Variants in FGF14 observed in about 807,000 individuals in gnomAD.
The protein encoded by FGF14 is fibroblast growth factor 14.
A neutral mutation model predicts 25.5 loss-of-function variants in FGF14; 5 were observed. The observed-to-expected ratio is 0.20, with a 90% CI of 0.10 to 0.41. The LOEUF (loss-of-function observed/expected upper bound fraction) is 0.41. Ranked by LOEUF, FGF14 falls within the 10% of genes least tolerant of loss-of-function variation. FGF14 has a pLI of 1.00. For missense variants in FGF14, 222 were observed against 320.1 expected, an observed-to-expected ratio of 0.69 and a Z score of 2.34; for synonymous variants, 138 against 118.3, an observed-to-expected ratio of 1.17 and a Z score of -1.08.
At chr13:101,930,075 T>C (rs1245269290) in intron 1 of FGF14, among the ~76,000 whole-genome samples, 1 of 152,234 alleles carries the variant, frequency 6.6e-6, no homozygotes, top group Non-Finnish European at 1.5e-5. Flanking sequence ...TGAGAGCTTA[T>C]TCTATTTATA....
At chr13:102,001,632 C>T (rs2039500181) in intron 1 of FGF14, among the ~76,000 whole-genome samples, 1 of 152,104 alleles carries the variant, frequency 6.6e-6, no homozygotes, top group South Asian at 2.1e-4. Flanking sequence ...ATTTACATTA[C>T]ATTATATGGT....
At chr13:101,957,410 C>G (rs990224692) in intron 1 of FGF14, among the ~76,000 whole-genome samples, 16 of 152,140 alleles carry the variant, frequency 1.1e-4, no homozygotes, top group African/African-American at 3.4e-4. Context: ...TTAGGAGAAA[C>G]TGAACCAGAG....
chr13:101,947,689 G>C (rs1390045592), intron 1 of FGF14, among the ~76,000 whole-genome samples: 1 of 152,142 alleles, frequency 6.6e-6, no homozygotes, highest in Non-Finnish European at 1.5e-5. Flanking sequence ...CTACTAGAGG[G>C]GGTAGGGAGG....
intron 1 of FGF14, among the ~76,000 whole-genome samples, chr13:102,192,529 T>A (rs1016962592): frequency 2.6e-5 from 4 of 152,176 alleles, no homozygotes; most frequent in Non-Finnish European, 5.9e-5. Flanking sequence ...CTTAACAATT[T>A]CTTCTTCAAC....
At chr13:102,378,157 G>C (rs2058083947) in intron 1 of FGF14, among the ~76,000 whole-genome samples, 1 of 152,096 alleles carries the variant, frequency 6.6e-6, no homozygotes, top group South Asian at 2.1e-4. Flanking sequence ...TAAACCCATG[G>C]AGCACACAAC....
At chr13:101,948,429 C>T (rs138406827) in intron 1 of FGF14, among the ~76,000 whole-genome samples, 2,910 of 150,704 alleles carry the variant, frequency 0.019, 115 homozygotes, top group African/African-American at 0.068. Flanking sequence ...CAAACCTGCA[C>T]GTTGTGCACA....
chr13:102,313,791 C>T (rs1566930167), intron 1 of FGF14, among the ~76,000 whole-genome samples: 2 of 152,142 alleles, frequency 1.3e-5, no homozygotes, highest in Non-Finnish European at 1.5e-5. Flanking sequence ...ATCATTCAGG[C>T]ATCAACCCTC....
chr13:102,116,443 T>C (rs2045475364), intron 1 of FGF14, among the ~76,000 whole-genome samples: 1 of 152,142 alleles, frequency 6.6e-6, no homozygotes, highest in Non-Finnish European at 1.5e-5. Flanking sequence ...TTATATTTTA[T>C]AATCATATGT....
chr13:102,099,509 C>A (rs1308145100), intron 1 of FGF14, among the ~76,000 whole-genome samples: 2 of 151,960 alleles, frequency 1.3e-5, no homozygotes, highest in Non-Finnish European at 1.5e-5. Context: ...GCAGACACTG[C>A]ACAAGGAAGT....
intron 1 of FGF14, among the ~76,000 whole-genome samples, chr13:102,398,156 G>T (rs12584364): frequency 0.32 from 48,131 of 151,820 alleles, 8,607 homozygotes; most frequent in African/African-American, 0.48. Context: ...AGCATATATT[G>T]TGCAAACACA....
chr13:102,385,232 C>T (rs2058273902), intron 1 of FGF14, among the ~76,000 whole-genome samples: 1 of 152,274 alleles, frequency 6.6e-6, no homozygotes, highest in African/African-American at 2.4e-5. Flanking sequence ...TCTTCTAATA[C>T]CTGCTAGTAT....
intron 1 of FGF14, among the ~76,000 whole-genome samples, chr13:102,351,240 T>C (rs902366424): frequency 1.3e-5 from 2 of 152,116 alleles, no homozygotes; most frequent in African/African-American, 4.8e-5. Context: ...AATAAAATTA[T>C]ACCCAGTTAA....
chr13:102,070,834 T>G (rs1041869155), intron 1 of FGF14, among the ~76,000 whole-genome samples: 5 of 152,186 alleles, frequency 3.3e-5, no homozygotes, highest in Non-Finnish European at 5.9e-5. Flanking sequence ...CAAAGACCTA[T>G]TTTCATATCC....
intron 1 of FGF14, among the ~76,000 whole-genome samples, chr13:102,221,339 C>T (rs557387417): frequency 1.3e-5 from 2 of 151,820 alleles, no homozygotes; most frequent in African/African-American, 2.4e-5. Flanking sequence ...TACCAAAGGA[C>T]GGAAGGTTAA....
chr13:102,180,402 TC>T (rs2048622361), intron 1 of FGF14, among the ~76,000 whole-genome samples: 1 of 152,114 alleles, frequency 6.6e-6, no homozygotes, highest in Non-Finnish European at 1.5e-5. Context: ...AACCTTTGCC[TC>T]CTGGGTTCAA....
intron 1 of FGF14, among the ~76,000 whole-genome samples, chr13:101,937,803 T>C (rs1335380675): frequency 6.6e-6 from 1 of 152,156 alleles, no homozygotes; most frequent in Non-Finnish European, 1.5e-5. Context: ...TTTCACCATG[T>C]TGGCCAGGCT....
At chr13:101,739,329 AT>A (rs2036394502) in intron 3 of FGF14, among the ~76,000 whole-genome samples, 1 of 152,162 alleles carries the variant, frequency 6.6e-6, no homozygotes, top group Non-Finnish European at 1.5e-5. Flanking sequence ...AGAAGTTAGA[AT>A]AAGCAAAAGT....
At chr13:102,138,768 G>T (rs1376102950) in intron 1 of FGF14, among the ~76,000 whole-genome samples, 1 of 152,202 alleles carries the variant, frequency 6.6e-6, no homozygotes, top group Admixed American at 6.5e-5. Flanking sequence ...AGCAATAAAT[G>T]TGCCATTAAG....
intron 1 of FGF14, among the ~76,000 whole-genome samples, chr13:101,948,032 G>A (rs1394097034): frequency 6.6e-6 from 1 of 152,104 alleles, no homozygotes; most frequent in Admixed American, 6.5e-5. Context: ...AGAGGTGATG[G>A]TATCCAAGCA....
Sources: gnomAD v4.1 joint callset for allele counts (sites outside exome capture counted in the v4.1 genomes callset) on GRCh38, gnomAD v4.1.1 for gene constraint, MANE v1.5 for transcripts, NCBI Gene and HGNC (gene_info 2026-07-23, HGNC 2026-07-21) for gene names.